The following FRMD6 variants were observed in gnomAD, a reference collection of about 807,000 sequenced individuals.
The protein encoded by FRMD6 is FERM domain-containing protein 6.
In FRMD6, 37 loss-of-function variants were observed where a neutral mutation model predicts 73.2. That is an observed-to-expected ratio of 0.51 (90% confidence interval 0.39 to 0.66). The LOEUF (loss-of-function observed/expected upper bound fraction) is 0.66, where lower values mean the gene tolerates loss of function less well. Ranked by LOEUF, FRMD6 falls within the 30% of genes least tolerant of loss-of-function variation. The pLI, the probability that FRMD6 is intolerant of heterozygous loss-of-function variation, is 0.00. For synonymous variants in FRMD6, 273 were observed against 282.2 expected (o/e 0.97, Z 0.33); for missense variants, 714 against 780.5 (o/e 0.91, Z 1.02).
the FRMD6 span, among the ~76,000 whole-genome samples, chr14:51,442,556 C>T: frequency 6.6e-6 from 1 of 152,174 alleles, no homozygotes; most frequent in African/African-American, 2.4e-5. Flanking sequence ...CTCTGCCTTG[C>T]TTGTCTTTAG....
At chr14:51,511,772 T>A (rs1884325365) in intron 1 of FRMD6, among the ~76,000 whole-genome samples, 1 of 152,056 alleles carries the variant, frequency 6.6e-6, no homozygotes, top group Admixed American at 6.6e-5. Context: ...AAATACCTAA[T>A]GTAGGTGATG....
chr14:51,399,226 G>A, the FRMD6 span, among the ~76,000 whole-genome samples: 1 of 152,104 alleles, frequency 6.6e-6, no homozygotes, highest in Admixed American at 6.5e-5. Flanking sequence ...CATTCAGCAG[G>A]TCTTCCTTCT....
intron 1 of FRMD6, among the ~76,000 whole-genome samples, chr14:51,526,316 G>A (rs185956149): frequency 7.2e-5 from 11 of 152,236 alleles, no homozygotes; most frequent in Admixed American, 6.5e-5. Context: ...TGCACCTGCC[G>A]CCACCTCTTT....
intron 1 of FRMD6, among the ~76,000 whole-genome samples, chr14:51,489,599 T>C (rs1009572893): frequency 6.6e-6 from 1 of 152,184 alleles, no homozygotes; most frequent in Admixed American, 6.5e-5. Flanking sequence ...AGTTGATCTG[T>C]CTCATGATTT....
chr14:51,728,003 G>C lies in FRMD6; in HGVS notation c.1843G>C (p.Asp615His), dbSNP rs773629345. The C allele has an allele frequency of 9.4e-5, 151 of 1,611,118 alleles. 1 individual carries two copies. The South Asian group carries it at 1.6e-3, about 17-fold the overall frequency. ...SKYFSLDLTH[D>H]EVPEFVV ...ATACTTTTCTCTGGATCTCACTCAT[G>C]ATGAAGTTCCAGAGTTTGTTGTGTA... Residue 615 changes from aspartate to histidine, a missense_variant, in exon 14 of 14, where the codon GAT becomes CAT. Physicochemically the swap from Asp to His is moderately conservative, Grantham distance 81. Coordinates refer to ENST00000344768, the MANE Select transcript of FRMD6 (RefSeq NM_001267046.2).
chr14:51,637,176 C>T (rs891686761), intron 2 of FRMD6, among the ~76,000 whole-genome samples: 1 of 152,088 alleles, frequency 6.6e-6, no homozygotes, highest in Non-Finnish European at 1.5e-5. Context: ...GAGTTGTAAT[C>T]CTGCCACTGC....
intron 2 of FRMD6, among the ~76,000 whole-genome samples, chr14:51,606,456 G>A (rs1890260537): frequency 6.6e-6 from 1 of 152,196 alleles, no homozygotes; most frequent in East Asian, 1.9e-4. Context: ...CCTTTTCCAA[G>A]GAACAATCTC....
Position 51,550,582 on chromosome 14 carries a change from C to CA in FRMD6, c.-209-19766_-209-19765insA, listed in dbSNP as rs960825048. ...ATCAGAGGGCAGCTTGGGAGGAGAC[C>CA]CCCCCGCCATGCTTATAGCTTGAAT... On this transcript the variant is annotated intron_variant, in intron 1 of 14. Coordinates refer to the FRMD6 transcript ENST00000356218. 3.4e-3 allele frequency among the ~76,000 whole-genome samples: 514 copies of CA among 150,452 alleles called. 3 individuals carry two copies. Among genetic ancestry groups the CA allele is most frequent in the African/African-American group, 0.012 (492 of 40,844 alleles).
chr14:51,573,703 C>T (rs1446195550), intron 2 of FRMD6, among the ~76,000 whole-genome samples: 1 of 152,150 alleles, frequency 6.6e-6, no homozygotes, highest in Non-Finnish European at 1.5e-5. Context: ...CCCCGTGTCT[C>T]AAATCTCTAT....
chr14:51,531,222 T>A (rs1390161877), intron 1 of FRMD6, among the ~76,000 whole-genome samples: 2 of 152,210 alleles, frequency 1.3e-5, no homozygotes, highest in Non-Finnish European at 2.9e-5. Flanking sequence ...CTAGCAGTGA[T>A]TAAGGTTATC....
At chr14:51,598,838 T>C (rs1000984734) in intron 2 of FRMD6, among the ~76,000 whole-genome samples, 5 of 152,208 alleles carry the variant, frequency 3.3e-5, no homozygotes, top group Admixed American at 2.6e-4. Flanking sequence ...CTATTGTGAA[T>C]AGTGCTGCAC....
At chr14:51,550,581 C>CT (rs1197594999) in intron 1 of FRMD6, among the ~76,000 whole-genome samples, 6 of 11,524 alleles carry the variant, frequency 5.2e-4, no homozygotes, top group Middle Eastern at 0.033. Flanking sequence ...TGGGAGGAGA[C>CT]CCCCCCGCCA....
At chr14:51,459,882 C>CTTTTTTTTTTTTTTTTTTTTTTTTTTT in the FRMD6 span, among the ~76,000 whole-genome samples, 1 of 23,430 alleles carries the variant, frequency 4.3e-5, no homozygotes, top group African/African-American at 2.2e-4. Flanking sequence ...ATTACTGACT[C>CTTTTTTTTTTTTTTTTTTTTTTTTTTT]TCTTTTTTTT....
the FRMD6 span, among the ~76,000 whole-genome samples, chr14:51,410,648 G>A: frequency 6.6e-6 from 1 of 152,134 alleles, no homozygotes; most frequent in Non-Finnish European, 1.5e-5. Context: ...AAACATTTTA[G>A]AATAAATTAA....
At chr14:51,671,348 C>T (rs1298033832) in intron 1 of FRMD6, among the ~76,000 whole-genome samples, 2 of 152,024 alleles carry the variant, frequency 1.3e-5, no homozygotes, top group African/African-American at 4.8e-5. Context: ...TAGAGTTTAC[C>T]AGTGATGCCA....
At chr14:51,635,098 A>G (rs1891499290) in intron 2 of FRMD6, among the ~76,000 whole-genome samples, 1 of 152,126 alleles carries the variant, frequency 6.6e-6, no homozygotes, top group Non-Finnish European at 1.5e-5. Context: ...TTAAGCAGGC[A>G]GAGACCTGGT....
At chr14:51,576,067 C>G (rs1023278528) in intron 2 of FRMD6, 2 of 152,314 alleles carry the variant, frequency 1.3e-5, no homozygotes, top group African/African-American at 2.4e-5. Context: ...GCAGCCTGAA[C>G]AATCAAGAAC....
chr14:51,490,726 A>G (rs1034005108), intron 1 of FRMD6, among the ~76,000 whole-genome samples: 7 of 152,092 alleles, frequency 4.6e-5, no homozygotes, highest in African/African-American at 1.7e-4. Flanking sequence ...TAGTGCAGTT[A>G]CCGTAGCAGA....
At chr14:51,474,066 T>C in the FRMD6 span, among the ~76,000 whole-genome samples, 9 of 152,220 alleles carry the variant, frequency 5.9e-5, no homozygotes, top group Non-Finnish European at 1.5e-5. Context: ...TCTATGTCAC[T>C]TGCCCTAAGT....
Sources: allele counts gnomAD v4.1 joint callset (sites outside exome capture counted in the v4.1 genomes callset), GRCh38; gene constraint gnomAD v4.1.1; transcripts MANE v1.5; gene names NCBI Gene and HGNC (gene_info 2026-07-23, HGNC 2026-07-21).